The following NEIL3 variants were observed in gnomAD, a reference collection of about 807,000 sequenced individuals.
NEIL3 encodes the protein nei like DNA glycosylase 3.
A neutral mutation model predicts 57.5 loss-of-function variants in NEIL3; 48 were observed. The ratio of observed to expected loss-of-function variants is 0.83; its 90% CI spans 0.66 to 1.06. The LOEUF (loss-of-function observed/expected upper bound fraction) is 1.06. Among genes scored for constraint, NEIL3 ranks in the 50% least tolerant of loss-of-function variants. The pLI is 0.00. For missense variants in NEIL3, 717 were observed against 739.1 expected, an observed-to-expected ratio of 0.97 and a Z score of 0.35; for synonymous variants, 261 against 253.2, an observed-to-expected ratio of 1.03 and a Z score of -0.29.
In NEIL3 at chr4:177,348,915, TG is replaced by T. The variant is rs1271035116; in HGVS notation, c.870-2463del. Among the ~76,000 whole-genome samples the T allele has an allele frequency of 4.6e-5, 6 of 131,200 alleles. No individual in the cohort carries two copies. The Admixed American group carries it at 5.7e-4, about 13-fold the overall frequency. The allele number at this position is 131,200 out of a possible 152,430, so 86.1% of individuals were successfully genotyped here. On this transcript the variant is annotated intron_variant, in intron 6 of 9. Coordinates refer to ENST00000264596, the MANE Select transcript of NEIL3 (RefSeq NM_018248.3). ...CGGAGTCTCGCTCTGTCACCCAGGC[TG>T]GAGTGCAGTGGCGTGATCTGGGCTC...
chr4:177,335,887 C>T lies in NEIL3; in HGVS notation c.413+65C>T, dbSNP rs1177255965. On this transcript the variant is annotated intron_variant, in intron 3 of 9. Coordinates refer to ENST00000264596, the MANE Select transcript of NEIL3 (RefSeq NM_018248.3). ...GCAGAGCTTGGTTTGGGATGTCACACGTGTAACTAAAGAAACAAATAAATA... is the reference window on the plus strand; with the variant it reads ...GCAGAGCTTGGTTTGGGATGTCACATGTGTAACTAAAGAAACAAATAAATA... 16 of 1,383,114 alleles carry T rather than the reference C, an allele frequency of 1.2e-5. No individual in the cohort carries two copies. In the East Asian group the frequency reaches 2.3e-4, roughly 20 times the overall value. 85.7% of individuals were successfully genotyped at this position (1,383,114 alleles called of 1,614,324 possible).
intron 6 of NEIL3, among the ~76,000 whole-genome samples, chr4:177,342,838 T>G (rs1055641520): frequency 1.2e-4 from 18 of 152,152 alleles, no homozygotes; most frequent in Non-Finnish European, 2.6e-4. Flanking sequence ...AGGCTCCACG[T>G]TGTGGAATAA....
chr4:177,339,526 T>C (rs1166898941), intron 4 of NEIL3, among the ~76,000 whole-genome samples: 2 of 152,138 alleles, frequency 1.3e-5, no homozygotes, highest in Non-Finnish European at 2.9e-5. Context: ...CATCATAAAG[T>C]TATTGCTCCT....
At chr4:177,370,289 A>G in the NEIL3 span, among the ~76,000 whole-genome samples, 1 of 152,202 alleles carries the variant, frequency 6.6e-6, no homozygotes, top group Non-Finnish European at 1.5e-5. Context: ...AATGAATGTT[A>G]TTACCAAAAC....
chr4:177,332,404 A>G (rs181095890), intron 2 of NEIL3, among the ~76,000 whole-genome samples: 105 of 152,268 alleles, frequency 6.9e-4, no homozygotes, highest in Non-Finnish European at 8.8e-5. Flanking sequence ...GTCCTGTGGC[A>G]GACTGCTTAT....
At chr4:177,314,232 A>T (rs6818141) in intron 1 of NEIL3, among the ~76,000 whole-genome samples, 31,689 of 152,120 alleles carry the variant, frequency 0.21, 3,575 homozygotes, top group Non-Finnish European at 0.27. Context: ...CTATGGAATC[A>T]TGAAACAAGG....
chr4:177,361,518 C>T (rs1282269757), intron 9 of NEIL3, among the ~76,000 whole-genome samples: 1 of 152,156 alleles, frequency 6.6e-6, no homozygotes, highest in Non-Finnish European at 1.5e-5. Flanking sequence ...AGACCTCAAT[C>T]TCTAAACACA....
chr4:177,345,395 T>C (rs1735193781), intron 6 of NEIL3, among the ~76,000 whole-genome samples: 1 of 152,078 alleles, frequency 6.6e-6, no homozygotes, highest in South Asian at 2.1e-4. Context: ...CTAAAAACCA[T>C]CTAGTTTGGA....
intron 2 of NEIL3, among the ~76,000 whole-genome samples, chr4:177,332,931 T>C (rs758648886): frequency 1.3e-5 from 2 of 152,170 alleles, no homozygotes; most frequent in Non-Finnish European, 2.9e-5. Context: ...AGAAAATGTA[T>C]GATTTTGTAG....
chr4:177,332,007 A>G (rs1216519780), intron 2 of NEIL3, among the ~76,000 whole-genome samples: 1 of 151,972 alleles, frequency 6.6e-6, no homozygotes, highest in Non-Finnish European at 1.5e-5. Flanking sequence ...CCATGTTCTT[A>G]CCTCTCCACC....
intron 1 of NEIL3, among the ~76,000 whole-genome samples, chr4:177,310,354 G>GTGAA (rs1285020089): frequency 6.6e-6 from 1 of 152,222 alleles, no homozygotes; most frequent in African/African-American, 2.4e-5. Flanking sequence ...GGGGAATCCA[G>GTGAA]TGAAGGTGTT....
At chr4:177,349,824 G>A (rs953686152) in intron 6 of NEIL3, among the ~76,000 whole-genome samples, 2 of 152,174 alleles carry the variant, frequency 1.3e-5, no homozygotes, top group African/African-American at 4.8e-5. Context: ...TATGATCAGG[G>A]AAACTTTTAG....
At chr4:177,327,017 A>G (rs1018575486) in intron 2 of NEIL3, among the ~76,000 whole-genome samples, 3 of 151,844 alleles carry the variant, frequency 2.0e-5, no homozygotes, top group African/African-American at 7.3e-5. Context: ...AGGCGACTGG[A>G]TCATGGGGGC....
chr4:177,331,010 A>G (rs1196751865), intron 2 of NEIL3, among the ~76,000 whole-genome samples: 2 of 152,234 alleles, frequency 1.3e-5, no homozygotes, highest in Non-Finnish European at 2.9e-5. Flanking sequence ...TTGAATAGAA[A>G]TAGGACACTA....
At chr4:177,339,758 G>C in intron 4 of NEIL3, 25 bp from the exon 5 acceptor site, 1 of 1,522,052 alleles carries the variant, frequency 6.6e-7, no homozygotes, top group South Asian at 1.1e-5. Flanking sequence ...ATGAAACTAG[G>C]CTCTGCTGTT....
At chr4:177,334,613 C>G (rs1734941152) in intron 2 of NEIL3, among the ~76,000 whole-genome samples, 1 of 152,146 alleles carries the variant, frequency 6.6e-6, no homozygotes, top group Non-Finnish European at 1.5e-5. Context: ...TTATGGAGTA[C>G]TTACAGGCAC....
At chr4:177,344,344 TC>T (rs549026102) in intron 6 of NEIL3, among the ~76,000 whole-genome samples, 1 of 152,328 alleles carries the variant, frequency 6.6e-6, no homozygotes, top group Admixed American at 6.5e-5. Flanking sequence ...GAGTATTTGA[TC>T]CTTTTTTATG....
intron 1 of NEIL3, among the ~76,000 whole-genome samples, chr4:177,311,864 T>C (rs907654395): frequency 2.0e-5 from 3 of 151,870 alleles, no homozygotes; most frequent in Non-Finnish European, 4.4e-5. Context: ...GACAAGAGAA[T>C]CACTATGATG....
intron 6 of NEIL3, among the ~76,000 whole-genome samples, chr4:177,344,580 T>C (rs895516319): frequency 6.6e-6 from 1 of 151,436 alleles, no homozygotes; most frequent in African/African-American, 2.4e-5. Flanking sequence ...TGAGTTGGAG[T>C]CTCGGAGTCT....
Sources: gnomAD v4.1 joint callset for allele counts (sites outside exome capture counted in the v4.1 genomes callset) on GRCh38, gnomAD v4.1.1 for gene constraint, MANE v1.5 for transcripts, NCBI Gene and HGNC (gene_info 2026-07-23, HGNC 2026-07-21) for gene names.